KCNQ5: variants seen among roughly 807,000 people sequenced by gnomAD.
The protein encoded by KCNQ5 is potassium voltage-gated channel subfamily Q member 5.
A neutral mutation model predicts 98.2 loss-of-function variants in KCNQ5; 30 were observed. That is an observed-to-expected ratio of 0.31 (90% confidence interval 0.23 to 0.41). The LOEUF (loss-of-function observed/expected upper bound fraction) is 0.41, where lower values mean the gene tolerates loss of function less well. Ranked by LOEUF, KCNQ5 falls within the 10% of genes least tolerant of loss-of-function variation. KCNQ5 has a pLI of 1.00. For missense variants in KCNQ5, 835 were observed against 1,182.5 expected (o/e 0.71, Z 4.31); for synonymous variants, 458 against 449.4 (o/e 1.02, Z -0.24).
At chr6:72,693,008 A>T (rs149187369) in intron 1 of KCNQ5, among the ~76,000 whole-genome samples, 1 of 152,274 alleles carries the variant, frequency 6.6e-6, no homozygotes, top group East Asian at 1.9e-4. Flanking sequence ...TGGGAAATGG[A>T]TTATTTTTTA....
chr6:72,754,666 A>G (rs1771865994), intron 1 of KCNQ5, among the ~76,000 whole-genome samples: 1 of 152,064 alleles, frequency 6.6e-6, no homozygotes, highest in Non-Finnish European at 1.5e-5. Context: ...ATGTTGCTGT[A>G]TGGGATCTCA....
intron 2 of KCNQ5, among the ~76,000 whole-genome samples, chr6:73,034,292 C>G (rs967334900): frequency 1.3e-5 from 2 of 152,108 alleles, no homozygotes; most frequent in Admixed American, 6.5e-5. Flanking sequence ...TATGCACACA[C>G]ACAAAAAGGA....
intron 1 of KCNQ5, among the ~76,000 whole-genome samples, chr6:72,655,523 A>C (rs1045531726): frequency 3.3e-5 from 5 of 152,132 alleles, no homozygotes; most frequent in Admixed American, 1.3e-4. Context: ...AACGGGGAGT[A>C]AGAAATGAGA....
chr6:73,077,106 C>T (rs569964275), intron 3 of KCNQ5, among the ~76,000 whole-genome samples: 5 of 152,270 alleles, frequency 3.3e-5, no homozygotes, highest in African/African-American at 2.4e-5. Flanking sequence ...GCCAAAGGGT[C>T]AGAACTACAG....
chr6:72,668,302 T>C (rs1257240962), intron 1 of KCNQ5, among the ~76,000 whole-genome samples: 1 of 152,236 alleles, frequency 6.6e-6, no homozygotes, highest in Non-Finnish European at 1.5e-5. Flanking sequence ...ACATAATTAC[T>C]GAGCATCAAC....
chr6:72,962,034 T>A (rs189331965), intron 1 of KCNQ5, among the ~76,000 whole-genome samples: 22 of 151,032 alleles, frequency 1.5e-4, no homozygotes, highest in Middle Eastern at 3.4e-3. Context: ...AAAAATTAAC[T>A]GGGTATGGTG....
chr6:72,910,117 C>T (rs1279045124), intron 1 of KCNQ5, among the ~76,000 whole-genome samples: 1 of 152,154 alleles, frequency 6.6e-6, no homozygotes, highest in African/African-American at 2.4e-5. Context: ...AAACACATTA[C>T]TACCACCAGT....
chr6:73,141,255 T>A (rs1287705924), intron 10 of KCNQ5, among the ~76,000 whole-genome samples: 1 of 152,198 alleles, frequency 6.6e-6, no homozygotes, highest in Non-Finnish European at 1.5e-5. Context: ...TTATTAGGGC[T>A]CTGCCCTCAT....
intron 3 of KCNQ5, among the ~76,000 whole-genome samples, chr6:73,073,281 G>T (rs1378167837): frequency 6.6e-6 from 1 of 152,146 alleles, no homozygotes; most frequent in African/African-American, 2.4e-5. Flanking sequence ...AGAAAGAGAA[G>T]GTTATAATAT....
chr6:73,020,930 A>G (rs1582203632), intron 2 of KCNQ5, among the ~76,000 whole-genome samples: 1 of 152,024 alleles, frequency 6.6e-6, no homozygotes, highest in Non-Finnish European at 1.5e-5. Context: ...GCACACACAC[A>G]CACACAGTCA....
At chr6:73,108,776 G>A (rs865921975) in intron 6 of KCNQ5, among the ~76,000 whole-genome samples, 1 of 152,022 alleles carries the variant, frequency 6.6e-6, no homozygotes, top group African/African-American at 2.4e-5. Flanking sequence ...GCAGTGAGCC[G>A]AGATCGCTCC....
chr6:72,695,695 C>T (rs1301011721), intron 1 of KCNQ5, among the ~76,000 whole-genome samples: 1 of 152,066 alleles, frequency 6.6e-6, no homozygotes. Flanking sequence ...TATGTGCAAA[C>T]ATACACATAT....
chr6:73,139,177 A>G (rs1776606249), intron 10 of KCNQ5, among the ~76,000 whole-genome samples: 1 of 152,238 alleles, frequency 6.6e-6, no homozygotes, highest in Non-Finnish European at 1.5e-5. Context: ...GAAAGAGGCC[A>G]TCTTATGTTT....
At chr6:72,669,164 A>C (rs963926941) in intron 1 of KCNQ5, among the ~76,000 whole-genome samples, 3 of 152,168 alleles carry the variant, frequency 2.0e-5, no homozygotes, top group African/African-American at 7.2e-5. Context: ...AGTCAGATGG[A>C]TGAGACTCAA....
intron 1 of KCNQ5, among the ~76,000 whole-genome samples, chr6:72,793,373 A>G (rs142225197): frequency 1.6e-3 from 243 of 152,346 alleles, no homozygotes; most frequent in Middle Eastern, 0.01. Context: ...TGAGTTGCCA[A>G]TAAAACATGC....
At chr6:73,125,411 G>A (rs941280265) in intron 9 of KCNQ5, 1 of 518,144 alleles carries the variant, frequency 1.9e-6, no homozygotes, top group Non-Finnish European at 3.9e-6. Context: ...GGCAGAGGCA[G>A]AACCAGCAAG....
chr6:72,920,396 T>C (rs1323168631), intron 1 of KCNQ5, among the ~76,000 whole-genome samples: 1 of 152,206 alleles, frequency 6.6e-6, no homozygotes, highest in Non-Finnish European at 1.5e-5. Context: ...ACCAAAAGAA[T>C]GGTTTGATCC....
At chr6:72,623,952 A>G (rs2098916829) in intron 1 of KCNQ5, among the ~76,000 whole-genome samples, 2 of 152,210 alleles carry the variant, frequency 1.3e-5, no homozygotes, top group Admixed American at 1.3e-4. Context: ...CTGGAATTCA[A>G]CCACATAGGA....
At chr6:72,878,226 C>T (rs761137159) in intron 1 of KCNQ5, among the ~76,000 whole-genome samples, 15 of 152,110 alleles carry the variant, frequency 9.9e-5, no homozygotes, top group African/African-American at 1.9e-4. Flanking sequence ...GCCGAGATTG[C>T]GCCACTGCAC....
Sources: allele counts gnomAD v4.1 joint callset (sites outside exome capture counted in the v4.1 genomes callset), GRCh38; gene constraint gnomAD v4.1.1; transcripts MANE v1.5; gene names NCBI Gene and HGNC (gene_info 2026-07-23, HGNC 2026-07-21).